TP63: variants seen among roughly 807,000 people sequenced by gnomAD.
TP63 encodes the protein tumor protein p63.
In TP63, 17 loss-of-function variants were observed where a neutral mutation model predicts 82.8. That is an observed-to-expected ratio of 0.21 (90% CI 0.14 to 0.31). The LOEUF (loss-of-function observed/expected upper bound fraction) is 0.31, where lower values mean the gene tolerates loss of function less well. Ranked by LOEUF, TP63 falls within the 10% of genes least tolerant of loss-of-function variation. TP63 has a pLI of 1.00. For missense variants in TP63, 648 were observed against 895.3 expected (o/e 0.72, Z 3.52); for synonymous variants, 330 against 321.7 (o/e 1.03, Z -0.28).
chr3:189,767,934 A>G lies in TP63; in HGVS notation c.324+29160A>G, dbSNP rs80326457. On this transcript the variant is annotated intron_variant, in intron 3 of 13. Transcript: ENST00000264731. ...TCTAGTGTCAGTTTCGTCACTTACA[A>G]TAATCTAAATATTTGATATTTAATC... 4.8e-3 allele frequency among the ~76,000 whole-genome samples: 733 copies of G among 152,274 alleles called. 3 individuals carry two copies. The highest frequency in any genetic ancestry group is 0.017 in the African/African-American group (704 of 41,556).
At chr3:189,814,022 G>C (rs1380245692) in intron 4 of TP63, among the ~76,000 whole-genome samples, 1 of 152,168 alleles carries the variant, frequency 6.6e-6, no homozygotes, top group Admixed American at 6.5e-5. Flanking sequence ...GCGTTTGAAA[G>C]GGGAACAGCC....
At chr3:189,838,359 T>G (rs1197387514) in intron 4 of TP63, among the ~76,000 whole-genome samples, 2 of 152,222 alleles carry the variant, frequency 1.3e-5, no homozygotes, top group African/African-American at 2.4e-5. Flanking sequence ...AATAGATAGA[T>G]TCTAACTCTA....
chr3:189,707,470 C>T (rs1395443461), intron 1 of TP63, among the ~76,000 whole-genome samples: 2 of 152,060 alleles, frequency 1.3e-5, no homozygotes, highest in Non-Finnish European at 2.9e-5. Context: ...TAGTCGTCAT[C>T]TATATACATT....
chr3:189,659,688 A>C (rs544574536), intron 1 of TP63, among the ~76,000 whole-genome samples: 140 of 152,194 alleles, frequency 9.2e-4, no homozygotes, highest in African/African-American at 3.4e-3. Flanking sequence ...ACAGTGTATA[A>C]GCATTCCTTT....
intron 3 of TP63, chr3:189,789,897 T>C (rs569961583): frequency 6.7e-7 from 1 of 1,482,104 alleles, no homozygotes; most frequent in African/African-American, 1.4e-5. Flanking sequence ...ATTTTTATTT[T>C]TGTAAAAAAA....
chr3:189,767,994 A>C (rs1322515276), intron 3 of TP63, among the ~76,000 whole-genome samples: 1 of 152,182 alleles, frequency 6.6e-6, no homozygotes, highest in Non-Finnish European at 1.5e-5. Context: ...ATGTGAAATC[A>C]CATACAATAT....
intron 4 of TP63, among the ~76,000 whole-genome samples, chr3:189,850,493 C>T (rs966571626): frequency 6.6e-6 from 1 of 151,966 alleles, no homozygotes; most frequent in African/African-American, 2.4e-5. Context: ...ATAAAATATA[C>T]CTGTATATAA....
At chr3:189,716,691 A>G (rs1486230072) in intron 1 of TP63, among the ~76,000 whole-genome samples, 1 of 152,124 alleles carries the variant, frequency 6.6e-6, no homozygotes, top group Non-Finnish European at 1.5e-5. Flanking sequence ...CCTCAGTTGC[A>G]TTCTTTTTCC....
At chr3:189,606,871 G>A in the TP63 span, among the ~76,000 whole-genome samples, 1 of 151,874 alleles carries the variant, frequency 6.6e-6, no homozygotes, top group African/African-American at 2.4e-5. Context: ...GGGAGGGCTG[G>A]GTGTGGTGAT....
chr3:189,734,368 C>A (rs907421250), intron 1 of TP63, among the ~76,000 whole-genome samples: 1 of 151,994 alleles, frequency 6.6e-6, no homozygotes, highest in Non-Finnish European at 1.5e-5. Context: ...GACAGGGTTT[C>A]CTTGCCCTGG....
chr3:189,648,867 A>G (rs1436920982), intron 1 of TP63, among the ~76,000 whole-genome samples: 1 of 22,564 alleles, frequency 4.4e-5, no homozygotes, highest in Non-Finnish European at 5.3e-3. Context: ...GTTTCATTTT[A>G]TAGATAAAGA....
intron 3 of TP63, among the ~76,000 whole-genome samples, chr3:189,777,380 A>G (rs1723881120): frequency 6.6e-6 from 1 of 152,004 alleles, no homozygotes; most frequent in Non-Finnish European, 1.5e-5. Flanking sequence ...TATTTTTAGT[A>G]GAGATGGGAT....
the TP63 span, among the ~76,000 whole-genome samples, chr3:189,620,518 A>AC: frequency 1.7e-5 from 1 of 59,206 alleles, no homozygotes; most frequent in Admixed American, 1.3e-4. Context: ...AAAAAAAAAC[A>AC]AAAAAAAAAA....
chr3:189,873,127 G>T, intron 10 of TP63, 132 bp downstream of exon 10: 1 of 1,407,248 alleles, frequency 7.1e-7, no homozygotes, highest in Non-Finnish European at 1.0e-6. Flanking sequence ...AGATGACCTG[G>T]TATGGCAACC....
chr3:189,778,601 C>G (rs1723998094), intron 3 of TP63, among the ~76,000 whole-genome samples: 1 of 152,078 alleles, frequency 6.6e-6, no homozygotes, highest in African/African-American at 2.4e-5. Context: ...TGATCATGAC[C>G]AAGAACTTAT....
At chr3:189,711,892 C>T (rs941094020) in intron 1 of TP63, among the ~76,000 whole-genome samples, 1 of 152,034 alleles carries the variant, frequency 6.6e-6, no homozygotes, top group African/African-American at 2.4e-5. Context: ...ATGGAACTTC[C>T]GTGATAGGAA....
chr3:189,782,070 C>T (rs1576943135), intron 3 of TP63, among the ~76,000 whole-genome samples: 1 of 152,140 alleles, frequency 6.6e-6, no homozygotes, highest in South Asian at 2.1e-4. Flanking sequence ...AGATGCAGAA[C>T]TTAACCCAAA....
chr3:189,673,697 G>T (rs769215324), intron 1 of TP63, among the ~76,000 whole-genome samples: 1 of 151,946 alleles, frequency 6.6e-6, no homozygotes, highest in Non-Finnish European at 1.5e-5. Flanking sequence ...ACATATTTTC[G>T]TTTCTGTTAT....
chr3:189,605,437 ATTTCTTTGTGCC>A, the TP63 span, among the ~76,000 whole-genome samples: 3 of 152,156 alleles, frequency 2.0e-5, no homozygotes, highest in Non-Finnish European at 4.4e-5. Context: ...CTTTTGGCTG[ATTTCTTTGTGCC>A]TTTCTTTGTG....
Sources: allele counts gnomAD v4.1 joint callset (sites outside exome capture counted in the v4.1 genomes callset), GRCh38; gene constraint gnomAD v4.1.1; transcripts MANE v1.5; gene names NCBI Gene and HGNC (gene_info 2026-07-23, HGNC 2026-07-21).